The following CDKAL1 variants were observed in gnomAD, a reference collection of about 807,000 sequenced individuals.
CDKAL1 encodes the protein threonylcarbamoyladenosine tRNA methylthiotransferase.
Under a neutral mutation model 68.2 loss-of-function variants are expected in CDKAL1, and 32 were observed. The ratio of observed to expected loss-of-function variants is 0.47; its 90% confidence interval spans 0.35 to 0.63. CDKAL1 has a LOEUF of 0.63. Ranked by LOEUF, CDKAL1 falls within the 30% of genes least tolerant of loss-of-function variation. CDKAL1 has a pLI of 0.00. For missense variants in CDKAL1, 606 were observed against 696.7 expected (o/e 0.87, Z 1.47); for synonymous variants, 234 against 244.3 (o/e 0.96, Z 0.39).
chr6:21,138,555 T>C (rs1271664995), intron 13 of CDKAL1, among the ~76,000 whole-genome samples: 1 of 152,220 alleles, frequency 6.6e-6, no homozygotes, highest in Non-Finnish European at 1.5e-5. Context: ...GGGAAAATAG[T>C]ATCTATTCTG....
At chr6:20,934,323 G>A (rs1022528161) in intron 9 of CDKAL1, among the ~76,000 whole-genome samples, 1 of 152,170 alleles carries the variant, frequency 6.6e-6, no homozygotes, top group African/African-American at 2.4e-5. Context: ...ACTAGACAGT[G>A]CTACAGATGT....
chr6:20,666,688 C>CT (rs35042364), intron 5 of CDKAL1, among the ~76,000 whole-genome samples: 2,187 of 135,812 alleles, frequency 0.016, 41 homozygotes, highest in African/African-American at 0.052. Context: ...CCAAAGAATC[C>CT]TTTTTTTTTT....
At chr6:20,834,217 C>T (rs1415680290) in intron 8 of CDKAL1, among the ~76,000 whole-genome samples, 4 of 152,156 alleles carry the variant, frequency 2.6e-5, no homozygotes, top group African/African-American at 9.7e-5. Flanking sequence ...TCTATTATAG[C>T]GAGAAGCCTC....
At chr6:21,142,429 T>C (rs6932702) in intron 13 of CDKAL1, among the ~76,000 whole-genome samples, 22,874 of 151,996 alleles carry the variant, frequency 0.15, 1,910 homozygotes, top group Middle Eastern at 0.24. Flanking sequence ...TATGGTAACA[T>C]AACTAAGGCT....
At position 20,711,993 on chromosome 6, in the gene CDKAL1, C is replaced by CT. The variant is rs200067434; in HGVS notation, c.372-27516dup. ...ATGAAGATGCCATGACTGACTTAGA[C>CT]TTTTTTTTTTAACCCCACCTTTGGA... On this transcript the variant is annotated intron_variant, in intron 5 of 15. Transcript: ENST00000274695. Among the ~76,000 whole-genome samples, 20 of 149,108 alleles carry CT rather than the reference C, an allele frequency of 1.3e-4. No homozygotes were observed. In the East Asian group the frequency reaches 2.2e-3, roughly 16 times the overall value.
intron 13 of CDKAL1, among the ~76,000 whole-genome samples, chr6:21,139,017 G>C (rs1435826263): frequency 6.6e-6 from 1 of 152,200 alleles, no homozygotes; most frequent in East Asian, 1.9e-4. Flanking sequence ...TCCATTACAA[G>C]ATATACATTA....
intron 4 of CDKAL1, among the ~76,000 whole-genome samples, chr6:20,607,408 A>C (rs989367818): frequency 5.3e-5 from 8 of 152,220 alleles, no homozygotes; most frequent in Non-Finnish European, 8.8e-5. Flanking sequence ...ATAGATTTTT[A>C]TATCAGTTGG....
intron 9 of CDKAL1, among the ~76,000 whole-genome samples, chr6:20,921,131 T>TA (rs1271554172): frequency 1.3e-5 from 2 of 151,946 alleles, no homozygotes; most frequent in African/African-American, 4.8e-5. Context: ...CACCTGTCTT[T>TA]AAAAAAAATA....
intron 15 of CDKAL1, among the ~76,000 whole-genome samples, chr6:21,216,554 G>A (rs1287976923): frequency 6.6e-6 from 1 of 152,158 alleles, no homozygotes; most frequent in African/African-American, 2.4e-5. Flanking sequence ...ATCATTTTAA[G>A]AAAGGTGTGG....
At chr6:20,998,182 G>C (rs1302271087) in intron 10 of CDKAL1, among the ~76,000 whole-genome samples, 1 of 152,164 alleles carries the variant, frequency 6.6e-6, no homozygotes, top group African/African-American at 2.4e-5. Context: ...TTAAATTTGG[G>C]GGGGATTTTG....
chr6:21,012,059 A>G (rs1453507523), intron 11 of CDKAL1, among the ~76,000 whole-genome samples: 1 of 152,222 alleles, frequency 6.6e-6, no homozygotes, highest in African/African-American at 2.4e-5. Flanking sequence ...ATGGTCAAAG[A>G]TGGCTGCTTA....
Position 21,196,987 on chromosome 6 carries a change from G to A in CDKAL1, c.1300-1034G>A, listed in dbSNP as rs780755917. On this transcript the variant is annotated intron_variant, in intron 13 of 15. Coordinates refer to ENST00000274695, the MANE Select transcript of CDKAL1 (RefSeq NM_017774.3). Reference sequence around the variant, plus strand: ...AGCCTGGCCAACATGGCAAAACCCCGTCTCTACTAAAAATATAAAAATTAG... The same window carrying A: ...AGCCTGGCCAACATGGCAAAACCCCATCTCTACTAAAAATATAAAAATTAG... Among the ~76,000 whole-genome samples the A allele has an allele frequency of 5.9e-5, 9 of 152,016 alleles. No homozygotes were observed. The East Asian group carries it at 7.8e-4, about 13-fold the overall frequency.
intron 5 of CDKAL1, among the ~76,000 whole-genome samples, chr6:20,702,518 G>C (rs1330084689): frequency 6.6e-6 from 1 of 152,178 alleles, no homozygotes; most frequent in Non-Finnish European, 1.5e-5. Flanking sequence ...AGCCAGAAGG[G>C]AGATGGTTTT....
In CDKAL1 at chr6:20,616,585, C is replaced by T. The variant is rs111421893; in HGVS notation, c.287-32708C>T. On this transcript the variant is annotated intron_variant, in intron 4 of 15. Coordinates refer to ENST00000274695, the MANE Select transcript of CDKAL1 (RefSeq NM_017774.3). ...ACTCATGATTTGGCTCTCTGTTTGT[C>T]TGTTATTGGTGTATAAGAATGCTTG... is the stretch of plus-strand genomic sequence containing the variant. 8.9e-5 allele frequency among the ~76,000 whole-genome samples: 13 copies of T among 146,460 alleles called. No homozygotes were observed. In the South Asian group the frequency reaches 2.9e-3, roughly 33 times the overall value.
chr6:20,672,000 A>G (rs1479177741), intron 5 of CDKAL1, among the ~76,000 whole-genome samples: 3 of 152,088 alleles, frequency 2.0e-5, no homozygotes, highest in Admixed American at 6.5e-5. Flanking sequence ...ACGTAGGTCT[A>G]TTTTGGGCTT....
intron 13 of CDKAL1, among the ~76,000 whole-genome samples, chr6:21,125,665 G>A (rs1213591190): frequency 6.6e-6 from 1 of 152,154 alleles, no homozygotes; most frequent in Non-Finnish European, 1.5e-5. Context: ...GGCAACAAGA[G>A]TGAAACTCCA....
intron 5 of CDKAL1, among the ~76,000 whole-genome samples, chr6:20,692,178 A>C (rs951223033): frequency 6.6e-6 from 1 of 152,208 alleles, no homozygotes; most frequent in East Asian, 1.9e-4. Context: ...AATAGAGTAC[A>C]TATGAAGGGC....
chr6:20,962,091 A>G (rs1193170768), intron 10 of CDKAL1, among the ~76,000 whole-genome samples: 1 of 152,258 alleles, frequency 6.6e-6, no homozygotes, highest in Non-Finnish European at 1.5e-5. Context: ...GCAAGTGCTT[A>G]TTAAGGACTA....
intron 6 of CDKAL1, among the ~76,000 whole-genome samples, chr6:20,751,633 A>G (rs919607966): frequency 6.6e-6 from 1 of 152,226 alleles, no homozygotes; most frequent in African/African-American, 2.4e-5. Flanking sequence ...TAAATTTGGA[A>G]TAGTTGATAA....
Sources: allele counts gnomAD v4.1 joint callset (sites outside exome capture counted in the v4.1 genomes callset), GRCh38; gene constraint gnomAD v4.1.1; transcripts MANE v1.5; gene names NCBI Gene and HGNC (gene_info 2026-07-23, HGNC 2026-07-21).